Variants in AFDN observed in about 807,000 individuals in gnomAD.
The protein encoded by AFDN is afadin, adherens junction formation factor, also known as afadin.
A neutral mutation model predicts 216.6 loss-of-function variants in AFDN; 68 were observed. The observed-to-expected ratio is 0.31, with a 90% CI of 0.26 to 0.38. The LOEUF (loss-of-function observed/expected upper bound fraction) is 0.38. AFDN is among the 10% of genes least tolerant of loss of function. AFDN has a pLI of 1.00. For missense variants in AFDN, 2,136 were observed against 2,342.0 expected (o/e 0.91, Z 1.82); for synonymous variants, 868 against 853.7 (o/e 1.02, Z -0.29).
intron 32 of AFDN, chr6:167,966,314 A>G (rs1797559039): frequency 7.1e-7 from 1 of 1,413,190 alleles, no homozygotes; most frequent in Non-Finnish European, 9.3e-7. Context: ...TGTCTTAATG[A>G]TTGGAACCTC....
intron 23 of AFDN, among the ~76,000 whole-genome samples, chr6:167,939,628 G>A (rs1308489207): frequency 6.6e-6 from 1 of 152,202 alleles, no homozygotes; most frequent in Non-Finnish European, 1.5e-5. Flanking sequence ...GCGCTCGATG[G>A]ATATTTGTTC....
intron 5 of AFDN, among the ~76,000 whole-genome samples, chr6:167,879,326 G>C (rs1785823870): frequency 6.6e-6 from 1 of 152,226 alleles, no homozygotes; most frequent in Non-Finnish European, 1.5e-5. Context: ...TTGAAAAAGA[G>C]AGTATGAGAA....
At position 167,827,011 on chromosome 6, in the gene AFDN, AGCCGCGGAGGCGGAG is replaced by A. The variant is rs1779151425; in HGVS notation, c.-119_-105del. On this transcript the variant is annotated 5_prime_UTR_variant, in exon 1 of 34. Coordinates refer to ENST00000683244, the MANE Select transcript of AFDN (RefSeq NM_001386888.1). ...GCGGCGCGGCCGCGGAGGCGGAGGC[AGCCGCGGAGGCGGAG>A]GCGGCCGGCGGGGGGTGGCGAGGGG... 1 of 242,076 alleles carries A rather than the reference AGCCGCGGAGGCGGAG, an allele frequency of 4.1e-6. No individual in the cohort carries two copies. The highest frequency in any genetic ancestry group is 6.5e-6 in the Non-Finnish European group (1 of 153,668). The allele number at this position is 242,076 out of a possible 1,614,324, so 15.0% of individuals were successfully genotyped here.
At chr6:167,836,097 T>G (rs1381256648) in intron 1 of AFDN, among the ~76,000 whole-genome samples, 1 of 152,234 alleles carries the variant, frequency 6.6e-6, no homozygotes, top group Non-Finnish European at 1.5e-5. Context: ...CACATTTACA[T>G]TTTTGTGACT....
In AFDN at chr6:167,937,108, G is replaced by T. The variant is rs145363603; in HGVS notation, c.3100-6021G>T. On this transcript the variant is annotated intron_variant, in intron 23 of 33. Transcript: ENST00000683244. ...GGGCCAGTGGGTCTGCAGGAAAGGA[G>T]TGTGTACAGAAGGTGCAGGGTCAGT... Among the ~76,000 whole-genome samples, 5 of 152,300 alleles carry T rather than the reference G, an allele frequency of 3.3e-5. 1 individual carries two copies. The highest frequency in any genetic ancestry group is 5.9e-5 in the Non-Finnish European group (4 of 68,020).
At chr6:167,910,254 G>A (rs1790219249) in intron 13 of AFDN, among the ~76,000 whole-genome samples, 1 of 152,194 alleles carries the variant, frequency 6.6e-6, no homozygotes, top group African/African-American at 2.4e-5. Context: ...ACATACAAAT[G>A]TGTATTCAAC....
At chr6:167,921,228 C>T (rs562910616) in intron 21 of AFDN, among the ~76,000 whole-genome samples, 1 of 152,302 alleles carries the variant, frequency 6.6e-6, no homozygotes, top group South Asian at 2.1e-4. Context: ...GGATCCTCAC[C>T]AAGTTGGAAA....
intron 6 of AFDN, among the ~76,000 whole-genome samples, chr6:167,888,349 C>T (rs925537113): frequency 2.0e-5 from 3 of 152,166 alleles, no homozygotes; most frequent in Non-Finnish European, 4.4e-5. Context: ...GTGGTGAGGT[C>T]TATTAAGATA....
At chr6:167,909,492 G>T (rs1312969330) in intron 13 of AFDN, among the ~76,000 whole-genome samples, 1 of 152,054 alleles carries the variant, frequency 6.6e-6, no homozygotes, top group Non-Finnish European at 1.5e-5. Context: ...TTGAAGGAAA[G>T]TTTTTTATTA....
intron 24 of AFDN, 32 bp downstream of exon 24, chr6:167,943,226 A>G: frequency 6.3e-7 from 1 of 1,582,242 alleles, no homozygotes; most frequent in Non-Finnish European, 8.7e-7. Flanking sequence ...GTACATTTTC[A>G]GTGTGTCATA....
intron 5 of AFDN, 41 bp downstream of exon 5, chr6:167,875,536 G>T (rs1785257428): frequency 6.2e-7 from 1 of 1,601,570 alleles, no homozygotes; most frequent in Non-Finnish European, 8.5e-7. Flanking sequence ...CTGTTACAAA[G>T]AGCATTGTTT....
At chr6:167,919,854 C>A (rs1046322002) in intron 21 of AFDN, among the ~76,000 whole-genome samples, 6 of 152,086 alleles carry the variant, frequency 3.9e-5, no homozygotes, top group African/African-American at 1.2e-4. Flanking sequence ...TTTGTTTAAA[C>A]ACATAAAAGT....
In AFDN at chr6:167,946,048, C is replaced by T. The variant is rs1298575772; in HGVS notation, c.3359-659C>T. Among the ~76,000 whole-genome samples the T allele has an allele frequency of 2.0e-5, 3 of 152,214 alleles. No homozygotes were observed. The East Asian group carries it at 5.8e-4, about 29-fold the overall frequency. On this transcript the variant is annotated intron_variant, in intron 26 of 33. Transcript: ENST00000683244. ...CATCAGAGAACGTGACTTGCTGCTTCTTGAAGCAAACACACACCACCCAAG... is the reference window on the plus strand; with the variant it reads ...CATCAGAGAACGTGACTTGCTGCTTTTTGAAGCAAACACACACCACCCAAG...
intron 22 of AFDN, 177 bp downstream of exon 22, chr6:167,923,136 C>T: frequency 1.9e-6 from 1 of 521,006 alleles, no homozygotes; most frequent in Non-Finnish European, 3.4e-6. Context: ...ATTTTTTCCT[C>T]CCAAGCCATG....
intron 31 of AFDN, chr6:167,965,069 G>A: frequency 9.7e-7 from 1 of 1,035,308 alleles, no homozygotes; most frequent in Non-Finnish European, 1.2e-6. Context: ...GTCTGTTAGG[G>A]AGTTTCTTAA....
At chr6:167,831,672 C>T (rs1048009276) in intron 1 of AFDN, among the ~76,000 whole-genome samples, 1 of 152,156 alleles carries the variant, frequency 6.6e-6, no homozygotes, top group Non-Finnish European at 1.5e-5. Flanking sequence ...GGCAGACTAG[C>T]AGAAGTGGGT....
At chr6:167,851,895 A>G (rs1033787442) in intron 1 of AFDN, among the ~76,000 whole-genome samples, 1 of 152,122 alleles carries the variant, frequency 6.6e-6, no homozygotes, top group Non-Finnish European at 1.5e-5. Context: ...AAACAGGTTT[A>G]CTTTATTTTG....
At chr6:167,960,669 C>T (rs73258767) in intron 30 of AFDN, among the ~76,000 whole-genome samples, 7,614 of 152,214 alleles carry the variant, frequency 0.05, 655 homozygotes, top group African/African-American at 0.17. Context: ...TCCTAGTTCT[C>T]CTAGTTTTTC....
intron 1 of AFDN, 200 bp from the exon 2 acceptor site, chr6:167,864,351 C>T (rs1783929888): frequency 1.3e-6 from 1 of 755,686 alleles, no homozygotes; most frequent in African/African-American, 1.7e-5. Flanking sequence ...ACAGGTGAGG[C>T]AAAGAGAAAT....
Sources: allele counts gnomAD v4.1 joint callset (sites outside exome capture counted in the v4.1 genomes callset), GRCh38; gene constraint gnomAD v4.1.1; transcripts MANE v1.5; gene names NCBI Gene and HGNC (gene_info 2026-07-23, HGNC 2026-07-21).